The following GLRX5 variants were observed in gnomAD, a reference collection of about 807,000 sequenced individuals.
GLRX5 encodes glutaredoxin 5, also known as glutaredoxin-related protein 5, mitochondrial.
In GLRX5, 10 loss-of-function variants were observed where a neutral mutation model predicts 13.8. The observed-to-expected ratio is 0.72, with a 90% CI of 0.45 to 1.23. The LOEUF is 1.23. GLRX5 is among the 50% of genes most tolerant of loss of function. The probability of loss-of-function intolerance (pLI) is 0.00; values close to 1 mark genes in which losing one functional copy is unlikely to be tolerated. For missense variants in GLRX5, 233 were observed against 215.2 expected (o/e 1.08, Z -0.52); for synonymous variants, 98 against 101.1 (o/e 0.97, Z 0.18).
At chr14:95,541,598 G>A (rs1566704668) in intron 1 of GLRX5, among the ~76,000 whole-genome samples, 2 of 152,246 alleles carry the variant, frequency 1.3e-5, no homozygotes, top group Non-Finnish European at 2.9e-5. Context: ...TGTGTTGGGT[G>A]TTGAGAATGT....
In GLRX5 at chr14:95,544,051, T is replaced by A; in HGVS notation, c.400T>A (p.Leu134Met). The A allele has an allele frequency of 6.2e-7, 1 of 1,614,066 alleles. No homozygotes were observed. The highest frequency in any genetic ancestry group is 8.5e-7 in the Non-Finnish European group (1 of 1,179,904). ...ILLQMHQNGD[L>M]VEELKKLGIH... ...TCTGCAGATGCACCAGAATGGGGAC[T>A]TGGTGGAAGAACTGAAAAAGCTGGG... is the stretch of plus-strand genomic sequence containing the variant. The change falls in exon 2 of 2, where the codon TTG becomes ATG. Residue 134 changes from leucine to methionine, a missense_variant. Leu to Met is a conservative substitution (Grantham distance 15). Coordinates refer to ENST00000331334, the MANE Select transcript of GLRX5 (RefSeq NM_016417.3).
In GLRX5 at chr14:95,535,212, G is replaced by T. The variant is rs753153633; in HGVS notation, c.123G>T (p.Ser41=). 2.0e-6 allele frequency: 3 copies of T among 1,527,818 alleles called. No homozygotes were observed. Among genetic ancestry groups the T allele is most frequent in the South Asian group, 2.4e-5 (2 of 81,868 alleles). The allele number at this position is 1,527,818 out of a possible 1,614,324, so 94.6% of individuals were successfully genotyped here. ...AAGSGAGGGG[S]AEQLDALVKK... is the part of the protein sequence containing the mutation. ...GCTCGGGCGCGGGCGGCGGCGGCTC[G>T]GCGGAGCAGTTGGACGCGCTGGTGA... The change falls in exon 1 of 2, where the codon TCG becomes TCT. Residue 41 remains serine, a synonymous_variant. Coordinates refer to ENST00000331334, the MANE Select transcript of GLRX5 (RefSeq NM_016417.3).
rs1295162554 is a variant in GLRX5, at chr14:95,535,140, C to T, written c.51C>T (p.Arg17=). Residue 17 remains arginine, a synonymous_variant, in exon 1 of 2, where the codon CGC becomes CGT. Transcript: ENST00000331334. ...CGGCGGCTCTGCTCCGCTGGGGGCG[C>T]GGCGCGGGCGGCGGTGGCCTTTGGG... ...RAAAALLRWG[R]GAGGGGLWGP... 12 of 1,234,498 alleles carry T rather than the reference C, an allele frequency of 9.7e-6. No individual in the cohort carries two copies. The highest frequency in any genetic ancestry group is 7.1e-6 in the Non-Finnish European group (7 of 984,742). The allele number at this position is 1,234,498 out of a possible 1,614,324, so 76.5% of individuals were successfully genotyped here.
At chr14:95,540,363 A>G (rs1016904585) in intron 1 of GLRX5, among the ~76,000 whole-genome samples, 2 of 152,204 alleles carry the variant, frequency 1.3e-5, no homozygotes, top group African/African-American at 4.8e-5. Context: ...TGGGAGCTCA[A>G]TTCATTTCAT....
At chr14:95,535,450 A>C (rs1891354169) in intron 1 of GLRX5, 66 bp downstream of exon 1, 2 of 1,443,410 alleles carry the variant, frequency 1.4e-6, no homozygotes, top group Admixed American at 2.0e-5. Flanking sequence ...CACGAGGCCG[A>C]GGGGTTCCGC....
intron 1 of GLRX5, 70 bp from the exon 2 acceptor site, chr14:95,543,877 A>AT: frequency 7.1e-7 from 1 of 1,398,912 alleles, no homozygotes; most frequent in Non-Finnish European, 1.0e-6. Context: ...GTGGGTCAAA[A>AT]TTACATATTT....
intron 1 of GLRX5, among the ~76,000 whole-genome samples, chr14:95,535,680 C>T (rs1452867349): frequency 6.6e-6 from 1 of 152,174 alleles, no homozygotes; most frequent in Non-Finnish European, 1.5e-5. Context: ...ATAGGCGTTT[C>T]GGGGCGATTT....
intron 1 of GLRX5, among the ~76,000 whole-genome samples, chr14:95,536,787 T>C (rs1436733488): frequency 6.8e-6 from 1 of 146,644 alleles, no homozygotes; most frequent in Non-Finnish European, 1.5e-5. Flanking sequence ...TAAAGACTCT[T>C]GGGGATAACT....
At chr14:95,538,291 C>T (rs1476111833) in intron 1 of GLRX5, among the ~76,000 whole-genome samples, 4 of 152,242 alleles carry the variant, frequency 2.6e-5, no homozygotes, top group African/African-American at 7.2e-5. Flanking sequence ...AACTCTGCGG[C>T]CTTAAAGGCA....
intron 1 of GLRX5, among the ~76,000 whole-genome samples, chr14:95,538,320 G>T (rs1335217865): frequency 6.6e-6 from 1 of 152,272 alleles, no homozygotes; most frequent in Admixed American, 6.5e-5. Context: ...ATTTGCTGCC[G>T]ATTTAGATCA....
chr14:95,540,116 C>T (rs959399902), intron 1 of GLRX5, among the ~76,000 whole-genome samples: 5 of 152,236 alleles, frequency 3.3e-5, no homozygotes, highest in African/African-American at 1.2e-4. Flanking sequence ...GTCTTGAACT[C>T]CTGACCTCAG....
chr14:95,543,882 A>G (rs1001512598), intron 1 of GLRX5, 65 bp from the exon 2 acceptor site: 4 of 1,413,194 alleles, frequency 2.8e-6, no homozygotes, highest in Non-Finnish European at 4.0e-6. Context: ...TCAAAATTAC[A>G]TATTTAGTCA....
At chr14:95,536,112 C>T (rs1321999140) in intron 1 of GLRX5, among the ~76,000 whole-genome samples, 1 of 152,196 alleles carries the variant, frequency 6.6e-6, no homozygotes, top group Non-Finnish European at 1.5e-5. Flanking sequence ...GCCCTGGCTC[C>T]TGGGCCCTGG....
chr14:95,535,246 A>G lies in GLRX5; in HGVS notation c.157A>G (p.Lys53Glu). 1 of 1,569,652 alleles carries G rather than the reference A, an allele frequency of 6.4e-7. No homozygotes were observed. Among genetic ancestry groups the G allele is most frequent in the Non-Finnish European group, 8.6e-7 (1 of 1,159,474 alleles). Residue 53 changes from lysine to glutamate, a missense_variant, in exon 1 of 2, where the codon AAG becomes GAG. Transcript: ENST00000331334. The part of the protein sequence containing the change: ...EQLDALVKKD[K>E]VVVFLKGTPE... ...GTTGGACGCGCTGGTGAAGAAGGAC[A>G]AGGTGGTGGTCTTCCTCAAGGGGAC...
intron 1 of GLRX5, among the ~76,000 whole-genome samples, chr14:95,540,420 A>G (rs1162215407): frequency 6.6e-6 from 1 of 152,172 alleles, no homozygotes; most frequent in African/African-American, 2.4e-5. Flanking sequence ...CGTAGAGTAT[A>G]TTCCCATTTT....
At chr14:95,541,981 G>C (rs564711978) in intron 1 of GLRX5, among the ~76,000 whole-genome samples, 1 of 152,134 alleles carries the variant, frequency 6.6e-6, no homozygotes, top group Non-Finnish European at 1.5e-5. Context: ...TGATTCATTT[G>C]TATAAAAGGT....
intron 1 of GLRX5, among the ~76,000 whole-genome samples, chr14:95,538,393 A>G (rs1891417368): frequency 6.6e-6 from 1 of 152,268 alleles, no homozygotes; most frequent in Admixed American, 6.5e-5. Flanking sequence ...TGTTGAATAA[A>G]TAACCATATC....
intron 1 of GLRX5, chr14:95,543,252 G>T (rs755100886): frequency 4.2e-5 from 19 of 452,698 alleles, no homozygotes; most frequent in South Asian, 2.8e-4. Context: ...TCCACAGAGA[G>T]CCCATCACAG....
At position 95,544,050 on chromosome 14, in the gene GLRX5, C is replaced by T; in HGVS notation, c.399C>T (p.Asp133=). ...DILLQMHQNG[D]LVEELKKLGI... is the part of the protein sequence containing the mutation. ...TTCTGCAGATGCACCAGAATGGGGA[C>T]TTGGTGGAAGAACTGAAAAAGCTGG... Residue 133 remains aspartate, a synonymous_variant, in exon 2 of 2, where the codon GAC becomes GAT. Transcript: ENST00000331334. The T allele has an allele frequency of 1.9e-6, 3 of 1,613,848 alleles. No homozygotes were observed. The highest frequency in any genetic ancestry group is 2.5e-6 in the Non-Finnish European group (3 of 1,179,768).
Sources: allele counts gnomAD v4.1 joint callset (sites outside exome capture counted in the v4.1 genomes callset), GRCh38; gene constraint gnomAD v4.1.1; transcripts MANE v1.5; gene names NCBI Gene and HGNC (gene_info 2026-07-23, HGNC 2026-07-21).